Variants in SLC6A11 observed in about 807,000 individuals in gnomAD.
The protein encoded by SLC6A11 is solute carrier family 6 member 11, also known as sodium- and chloride-dependent GABA transporter 3.
Under a neutral mutation model 74.8 loss-of-function variants are expected in SLC6A11, and 25 were observed. The observed-to-expected ratio is 0.33, with a 90% CI of 0.24 to 0.47. The LOEUF (loss-of-function observed/expected upper bound fraction) is 0.47. SLC6A11 is among the 20% of genes least tolerant of loss of function. SLC6A11 has a pLI of 1.00. For missense variants in SLC6A11, 574 were observed against 837.0 expected, an observed-to-expected ratio of 0.69 and a Z score of 3.88; for synonymous variants, 330 against 330.2, an observed-to-expected ratio of 1.00 and a Z score of 0.01.
intron 13 of SLC6A11, 68 bp from the exon 14 acceptor site, chr3:10,938,182 A>G: frequency 2.1e-6 from 3 of 1,426,004 alleles, no homozygotes; most frequent in Non-Finnish European, 1.9e-6. Context: ...TGCTTGGGAG[A>G]GGCCACGGCA....
rs1173244576 is a variant in SLC6A11, at chr3:10,938,364, A to G, written c.1861A>G (p.Thr621Ala). 2 of 1,610,814 alleles carry G rather than the reference A, an allele frequency of 1.2e-6. No individual in the cohort carries two copies. The highest frequency in any genetic ancestry group is 1.7e-6 in the Non-Finnish European group (2 of 1,177,558). ...DCDAKLKSDG[T>A]IAAITEKETH... is the part of the protein sequence containing the mutation. ...TGATGCCAAACTCAAGAGTGACGGGACCATCGCAGCCATCACAGAGAAGGA... is the reference window on the plus strand; with the variant it reads ...TGATGCCAAACTCAAGAGTGACGGGGCCATCGCAGCCATCACAGAGAAGGA... Residue 621 changes from threonine to alanine, a missense_variant, in exon 14 of 14, where the codon ACC (threonine) becomes GCC (alanine). Thr to Ala is a moderately conservative substitution (Grantham distance 58). Around this residue, in one of 4 missense-constraint regions of SLC6A11, gnomAD observed 257 missense variants for 341.5 expected, o/e 0.75. Transcript: ENST00000254488.
intron 5 of SLC6A11, among the ~76,000 whole-genome samples, chr3:10,872,205 G>A (rs926488449): frequency 2.6e-5 from 4 of 152,172 alleles, no homozygotes; most frequent in African/African-American, 7.2e-5. Context: ...TCTGGTTGTC[G>A]TTCATTCACT....
intron 6 of SLC6A11, among the ~76,000 whole-genome samples, chr3:10,887,901 A>G (rs1283685660): frequency 6.6e-6 from 1 of 152,256 alleles, no homozygotes; most frequent in Non-Finnish European, 1.5e-5. Context: ...ATCATAAGAA[A>G]TAAGATGAAG....
At chr3:10,860,761 AAAG>A (rs1227520507) in intron 5 of SLC6A11, among the ~76,000 whole-genome samples, 1 of 152,230 alleles carries the variant, frequency 6.6e-6, no homozygotes, top group East Asian at 1.9e-4. Context: ...GGCTGAAATC[AAAG>A]AAGACACATG....
At position 10,816,803 on chromosome 3, in the gene SLC6A11, C is replaced by T. The variant is rs1694068441; in HGVS notation, c.256+282C>T. Among the ~76,000 whole-genome samples the T allele has an allele frequency of 6.6e-6, 1 of 152,240 alleles. No individual in the cohort carries two copies. Among genetic ancestry groups the T allele is most frequent in the East Asian group, 1.9e-4 (1 of 5,176 alleles). ...GAGATGCAGACCGAGGCCAGGGAGC[C>T]CTTGCTTTGGGTAGGCGCCCTGGTG... On this transcript the variant is annotated intron_variant, in intron 1 of 13. Coordinates refer to ENST00000254488, the MANE Select transcript of SLC6A11 (RefSeq NM_014229.3). The surrounding 1 kb of genome is among the most constrained non-coding windows in gnomAD (Gnocchi z 4.2).
intron 5 of SLC6A11, among the ~76,000 whole-genome samples, chr3:10,852,619 T>C (rs1382212898): frequency 3.3e-5 from 5 of 152,180 alleles, no homozygotes; most frequent in African/African-American, 1.2e-4. Flanking sequence ...TGGCGGGGGC[T>C]GGCAGTGGTG....
chr3:10,827,786 C>T (rs890979632), intron 4 of SLC6A11, among the ~76,000 whole-genome samples: 3 of 152,354 alleles, frequency 2.0e-5, no homozygotes, highest in East Asian at 1.9e-4. Context: ...CAAGGCACTA[C>T]TTCTCTGCCT....
chr3:10,817,169 G>A (rs968419050), intron 1 of SLC6A11, among the ~76,000 whole-genome samples: 1 of 152,146 alleles, frequency 6.6e-6, no homozygotes, highest in African/African-American at 2.4e-5. Flanking sequence ...CTAGTCTTTC[G>A]TCTGCTCTTA....
rs776200148 is a variant in SLC6A11, at chr3:10,918,053, A to G, written c.996-276A>G. On this transcript the variant is annotated intron_variant, in intron 7 of 13. Transcript: ENST00000254488. This position sits in a 1 kb window ranked among gnomAD's most constrained non-coding sequence, Gnocchi z 4.5. ...CAGAGTATTTTCTCATTAGTTCTGC[A>G]TTTTCCCATATGCCAGCCTCCCTTC... 3.3e-5 allele frequency among the ~76,000 whole-genome samples: 5 copies of G among 151,744 alleles called. No individual in the cohort carries two copies. Among genetic ancestry groups the G allele is most frequent in the Admixed American group, 6.6e-5 (1 of 15,260 alleles).
intron 6 of SLC6A11, among the ~76,000 whole-genome samples, chr3:10,893,661 T>C (rs990990893): frequency 5.3e-5 from 8 of 152,258 alleles, no homozygotes; most frequent in African/African-American, 1.9e-4. Flanking sequence ...AACGCGTCTC[T>C]TCCAGTGAGG....
chr3:10,866,541 C>T (rs1694764781), intron 5 of SLC6A11, among the ~76,000 whole-genome samples: 1 of 152,172 alleles, frequency 6.6e-6, no homozygotes, highest in Admixed American at 6.5e-5. Flanking sequence ...AAACGTGGAT[C>T]CCACATGGGT....
chr3:10,919,561 C>G (rs1695508817), intron 8 of SLC6A11, among the ~76,000 whole-genome samples: 1 of 152,134 alleles, frequency 6.6e-6, no homozygotes, highest in African/African-American at 2.4e-5. Flanking sequence ...AATAGGCAGG[C>G]CAAGGGGTGT....
At chr3:10,886,720 T>C (rs1190315111) in intron 6 of SLC6A11, among the ~76,000 whole-genome samples, 1 of 151,864 alleles carries the variant, frequency 6.6e-6, no homozygotes, top group African/African-American at 2.4e-5. Flanking sequence ...AACCGGAGAA[T>C]TGCTTAAACC....
intron 6 of SLC6A11, among the ~76,000 whole-genome samples, chr3:10,911,151 T>C (rs1004304389): frequency 3.3e-5 from 5 of 152,190 alleles, no homozygotes; most frequent in African/African-American, 9.7e-5. Context: ...TATTCAGTAA[T>C]GCATGAAGGG....
intron 3 of SLC6A11, among the ~76,000 whole-genome samples, chr3:10,822,941 C>T (rs1010975682): frequency 6.6e-6 from 1 of 152,156 alleles, no homozygotes; most frequent in African/African-American, 2.4e-5. Context: ...CTTTAGTCCC[C>T]CTATTCCACT....
chr3:10,841,277 A>G (rs1457767720), intron 4 of SLC6A11, among the ~76,000 whole-genome samples: 1 of 152,110 alleles, frequency 6.6e-6, no homozygotes, highest in Non-Finnish European at 1.5e-5. Flanking sequence ...CTTCTGTCCC[A>G]GCATTTCATG....
intron 3 of SLC6A11, among the ~76,000 whole-genome samples, chr3:10,822,808 C>T (rs1224736143): frequency 6.6e-6 from 1 of 152,144 alleles, no homozygotes; most frequent in Admixed American, 6.5e-5. Flanking sequence ...TATGTTGATT[C>T]ACACCATTTC....
Position 10,876,797 on chromosome 3 carries a change from C to A in SLC6A11, c.891+1702C>A, listed in dbSNP as rs149875520. On this transcript the variant is annotated intron_variant, in intron 6 of 13. Coordinates refer to ENST00000254488, the MANE Select transcript of SLC6A11 (RefSeq NM_014229.3). ...GAGAGAGAGAGAGAAAAAAAAAAAA[C>A]AAACGAGAACTAACACAGAGGTGAG... Among the ~76,000 whole-genome samples, 621 of 107,580 alleles carry A rather than the reference C, an allele frequency of 5.8e-3. 6 individuals are homozygous for A. Among genetic ancestry groups the A allele is most frequent in the Admixed American group, 0.012 (77 of 6,426 alleles). The allele number at this position is 107,580 out of a possible 152,430, so 70.6% of individuals were successfully genotyped here.
intron 6 of SLC6A11, among the ~76,000 whole-genome samples, chr3:10,907,703 G>A (rs2629127): frequency 0.7 from 107,043 of 152,126 alleles, 39,099 homozygotes; most frequent in African/African-American, 0.89. Flanking sequence ...TGTGCCAGAA[G>A]GCAACTAAGC....
Sources: gnomAD v4.1 joint callset for allele counts (sites outside exome capture counted in the v4.1 genomes callset) on GRCh38, gnomAD v4.1.1 for gene constraint, gnomAD v4.1.1 regional missense constraint, Gnocchi (gnomAD v3.1) non-coding constraint, MANE v1.5 for transcripts, NCBI Gene and HGNC (gene_info 2026-07-23, HGNC 2026-07-21) for gene names.